The following SCN2A variants were observed in gnomAD, a reference collection of about 807,000 sequenced individuals.
The protein encoded by SCN2A is sodium voltage-gated channel alpha subunit 2.
A neutral mutation model predicts 188.7 loss-of-function variants in SCN2A; 20 were observed. That is an observed-to-expected ratio of 0.11 (90% CI 0.07 to 0.15). The LOEUF is 0.15. Ranked by LOEUF, SCN2A falls within the 10% of genes least tolerant of loss-of-function variation. The pLI, the probability that SCN2A is intolerant of heterozygous loss-of-function variation, is 1.00. For missense variants in SCN2A, 1,278 were observed against 2,445.0 expected, an observed-to-expected ratio of 0.52 and a Z score of 10.07; for synonymous variants, 804 against 833.1, an observed-to-expected ratio of 0.97 and a Z score of 0.60.
intron 1 of SCN2A, among the ~76,000 whole-genome samples, chr2:165,242,135 G>C (rs1208848247): frequency 1.3e-5 from 2 of 152,004 alleles, no homozygotes; most frequent in Non-Finnish European, 2.9e-5. Context: ...CATACACTGG[G>C]GTGTTTTATA....
intron 14 of SCN2A, among the ~76,000 whole-genome samples, chr2:165,335,442 G>GT (rs1465721461): frequency 1.3e-5 from 2 of 151,666 alleles, no homozygotes; most frequent in Non-Finnish European, 3.0e-5. Flanking sequence ...AATTCCAACA[G>GT]TAAGTCTTCA....
intron 13 of SCN2A, among the ~76,000 whole-genome samples, chr2:165,328,987 T>A (rs74827654): frequency 1.9e-5 from 1 of 53,784 alleles, no homozygotes; most frequent in South Asian, 5.8e-4. Context: ...AAGATAGTCC[T>A]TTTTTTTTTT....
At chr2:165,294,039 G>GT in intron 1 of SCN2A, 1 of 273,620 alleles carries the variant, frequency 3.7e-6, no homozygotes, top group Non-Finnish European at 4.4e-6. Context: ...AAAAAAAAAA[G>GT]ATTTTTTTTT....
At chr2:165,248,930 G>C (rs941637364) in intron 1 of SCN2A, among the ~76,000 whole-genome samples, 2 of 152,078 alleles carry the variant, frequency 1.3e-5, no homozygotes, top group Non-Finnish European at 2.9e-5. Context: ...AAATGACCCA[G>C]TGCAATCTGC....
chr2:165,386,111 C>T (rs1701855845), intron 25 of SCN2A, among the ~76,000 whole-genome samples: 1 of 152,002 alleles, frequency 6.6e-6, no homozygotes, highest in South Asian at 2.1e-4. Context: ...TAGAATAGAA[C>T]ATTGTAATAA....
chr2:165,322,834 A>T (rs1698143995), intron 11 of SCN2A, among the ~76,000 whole-genome samples: 1 of 152,208 alleles, frequency 6.6e-6, no homozygotes, highest in Non-Finnish European at 1.5e-5. Context: ...CAACAGTATC[A>T]GTTCTAGATG....
In SCN2A at chr2:165,377,621, A is replaced by G; in HGVS notation, c.4279A>G (p.Ile1427Val). The change falls in exon 23 of 27, where the codon ATT becomes GTT. Residue 1427 changes from isoleucine to valine, a missense_variant. Physicochemically the swap from Ile to Val is conservative, Grantham distance 29 (BLOSUM62 3). Coordinates refer to ENST00000375437, the MANE Select transcript of SCN2A (RefSeq NM_001040142.2). ...GGCCACGTTTAAGGGATGGATGGATATTATGTATGCAGCTGTTGATTCACG... is the reference window on the plus strand; with the variant it reads ...GGCCACGTTTAAGGGATGGATGGATGTTATGTATGCAGCTGTTGATTCACG... ...QVATFKGWMD[I>V]MYAAVDSRNV... The G allele has an allele frequency of 1.2e-6, 2 of 1,607,722 alleles. No individual in the cohort carries two copies. Among genetic ancestry groups the G allele is most frequent in the East Asian group, 2.2e-5 (1 of 44,590 alleles).
intron 1 of SCN2A, among the ~76,000 whole-genome samples, chr2:165,265,468 GATCTATATATATATATATATATAT>G (rs1407203278): frequency 0.01 from 204 of 19,776 alleles, 7 homozygotes; most frequent in African/African-American, 0.035. Flanking sequence ...TTACTCTGTT[GATCTATATATATATATATATATAT>G]ATATATATAT....
At chr2:165,258,738 G>A (rs1256178098) in intron 1 of SCN2A, among the ~76,000 whole-genome samples, 1 of 152,160 alleles carries the variant, frequency 6.6e-6, no homozygotes. Flanking sequence ...ATATACCATG[G>A]AATACTATGC....
At chr2:165,320,776 G>A (rs13383203) in intron 11 of SCN2A, among the ~76,000 whole-genome samples, 17 of 152,180 alleles carry the variant, frequency 1.1e-4, no homozygotes, top group African/African-American at 3.9e-4. Flanking sequence ...TGCACACAGC[G>A]TGGGACTCTG....
intron 13 of SCN2A, chr2:165,327,531 T>G (rs1698425594): frequency 1.3e-5 from 2 of 159,744 alleles, no homozygotes; most frequent in Non-Finnish European, 2.7e-5. Flanking sequence ...TAACATAATG[T>G]GTAGCAGTCT....
At chr2:165,356,812 A>T (rs1700204169) in intron 17 of SCN2A, among the ~76,000 whole-genome samples, 1 of 152,166 alleles carries the variant, frequency 6.6e-6, no homozygotes, top group Non-Finnish European at 1.5e-5. Context: ...AAGTCCAGTG[A>T]TGTGGGGTTT....
rs1191799218 is a variant in SCN2A, at chr2:165,291,364, C to G, written c.-51-4409C>G. Among the ~76,000 whole-genome samples the G allele has an allele frequency of 3.7e-3, 224 of 61,276 alleles. 1 individual carries two copies. Among genetic ancestry groups the G allele is most frequent in the East Asian group, 0.018 (28 of 1,556 alleles). The allele number at this position is 61,276 out of a possible 152,430, so 40.2% of individuals were successfully genotyped here. A position where few individuals can be genotyped will look rare whatever the true frequency, so the allele number is the denominator to read the frequency against. ...TTGTCTGTCGTTCGTTCCTTCCTTC[C>G]TTCCTTCCTTCCTTCCTTCCTTCCT... On this transcript the variant is annotated intron_variant, in intron 1 of 26. Transcript: ENST00000375437.
chr2:165,304,717 A>G (rs1371317354), intron 3 of SCN2A, among the ~76,000 whole-genome samples: 1 of 152,218 alleles, frequency 6.6e-6, no homozygotes, highest in Non-Finnish European at 1.5e-5. Flanking sequence ...CTAAAGTCAG[A>G]AACAGCATAT....
intron 13 of SCN2A, among the ~76,000 whole-genome samples, chr2:165,330,246 G>A (rs1698604587): frequency 6.6e-6 from 1 of 152,124 alleles, no homozygotes; most frequent in Admixed American, 6.5e-5. Flanking sequence ...GCTAAGAGGT[G>A]GTGGCCACAT....
At chr2:165,271,818 G>A (rs1695117725) in intron 1 of SCN2A, 1 of 149,832 alleles carries the variant, frequency 6.7e-6, no homozygotes, top group East Asian at 2.0e-4. Flanking sequence ...CATAAAGCAT[G>A]TTACTTTTTT....
chr2:165,385,599 A>G (rs1299072924), intron 25 of SCN2A, among the ~76,000 whole-genome samples: 1 of 152,202 alleles, frequency 6.6e-6, no homozygotes, highest in Non-Finnish European at 1.5e-5. Flanking sequence ...ATCTTATGCA[A>G]CCATAGATCA....
intron 23 of SCN2A, 37 bp downstream of exon 23, chr2:165,377,687 A>G: frequency 6.6e-7 from 1 of 1,508,782 alleles, no homozygotes; most frequent in Non-Finnish European, 9.2e-7. Context: ...TAGTTTGATT[A>G]AATGTATATT....
intron 21 of SCN2A, among the ~76,000 whole-genome samples, chr2:165,373,736 C>T (rs1307118626): frequency 6.6e-6 from 1 of 151,990 alleles, no homozygotes; most frequent in African/African-American, 2.4e-5. Flanking sequence ...ACACTTTGAG[C>T]CTTTTGATGT....
Sources: gnomAD v4.1 joint callset for allele counts (sites outside exome capture counted in the v4.1 genomes callset) on GRCh38, gnomAD v4.1.1 for gene constraint, MANE v1.5 for transcripts, NCBI Gene and HGNC (gene_info 2026-07-23, HGNC 2026-07-21) for gene names.